The following ZNF782 variants were observed in gnomAD, a reference collection of about 807,000 sequenced individuals.
ZNF782 encodes zinc finger protein 782.
In ZNF782, 12 loss-of-function variants were observed where a neutral mutation model predicts 13.0. The ratio of observed to expected loss-of-function variants is 0.92; its 90% CI spans 0.59 to 1.50. The LOEUF is 1.50. Ranked by LOEUF, ZNF782 falls within the 40% of genes most tolerant of loss-of-function variation. The pLI, the probability that ZNF782 is intolerant of heterozygous loss-of-function variation, is 0.00. For missense variants in ZNF782, 770 were observed against 822.9 expected (o/e 0.94, Z 0.79); for synonymous variants, 284 against 283.0 (o/e 1.00, Z -0.04).
chr9:96,880,708 T>A, the ZNF782 span, among the ~76,000 whole-genome samples: 1 of 152,212 alleles, frequency 6.6e-6, no homozygotes. Context: ...TTGTAAACTT[T>A]GTGTCCATGT....
chr9:96,852,503 C>T (rs1483177100), intron 2 of ZNF782, among the ~76,000 whole-genome samples: 5 of 151,980 alleles, frequency 3.3e-5, no homozygotes, highest in South Asian at 2.1e-4. Flanking sequence ...AAAAATTAGC[C>T]AGGTGTGGTG....
At chr9:96,917,748 A>G in the ZNF782 span, among the ~76,000 whole-genome samples, 1 of 151,310 alleles carries the variant, frequency 6.6e-6, no homozygotes, top group Non-Finnish European at 1.5e-5. Context: ...TTTTTTAGAC[A>G]GGGTCTCACT....
the ZNF782 span, chr9:96,918,666 C>T: frequency 6.5e-6 from 1 of 153,978 alleles, no homozygotes; most frequent in Non-Finnish European, 1.4e-5. Flanking sequence ...TTTGTTCCCT[C>T]CCTGGAAAGG....
upstream of ZNF782, among the ~76,000 whole-genome samples, chr9:96,879,347 C>A (rs564884798): frequency 2.8e-4 from 42 of 152,114 alleles, no homozygotes; most frequent in South Asian, 2.7e-3. Context: ...ACAACAACAA[C>A]AAAAAATTAG....
Position 96,819,271 on chromosome 9 carries a change from T to C in ZNF782, c.752A>G (p.Asn251Ser). ...AATAAAGGTTGATTTATCATATTTGTTTTCCCCAAATTTATTGAAATTGTA... is the reference window on the plus strand; with the variant it reads ...AATAAAGGTTGATTTATCATATTTGCTTTCCCCAAATTTATTGAAATTGTA... The part of the protein sequence containing the change: ...KSYNFNKFGE[N>S]KYDKSTFIIP... Residue 251 changes from asparagine to serine, a missense_variant, in exon 6 of 6, where the codon AAC becomes AGC. By Grantham distance (46) the Asn-to-Ser change is conservative. Coordinates refer to ENST00000481138, the MANE Select transcript of ZNF782 (RefSeq NM_001001662.3). 15 of 1,613,436 alleles carry C rather than the reference T, an allele frequency of 9.3e-6. No homozygotes were observed. The highest frequency in any genetic ancestry group is 1.3e-5 in the Non-Finnish European group (15 of 1,179,834).
At position 96,819,178 on chromosome 9, in the gene ZNF782, C is replaced by T. The variant is rs774552810; in HGVS notation, c.845G>A (p.Arg282Lys). The T allele has an allele frequency of 7.4e-6, 12 of 1,612,176 alleles. No individual in the cohort carries two copies. Among genetic ancestry groups the T allele is most frequent in the Non-Finnish European group, 1.0e-5 (12 of 1,179,202 alleles). Reference sequence around the variant, plus strand: ...TCCTGTGAGAGTTTTGTGAGTGATTCTACAGAAACAATTTCCAGTATCATT... The same window carrying T: ...TCCTGTGAGAGTTTTGTGAGTGATTTTACAGAAACAATTTCCAGTATCATT... ...EFNDTGNCFC[R>K]ITHKTLTGGK... The change falls in exon 6 of 6, where the codon AGA becomes AAA. Residue 282 changes from arginine (R) to lysine (K), a missense_variant. Transcript: ENST00000481138.
chr9:96,879,576 A>C (rs1458850605), upstream of ZNF782, among the ~76,000 whole-genome samples: 1 of 152,250 alleles, frequency 6.6e-6, no homozygotes, highest in East Asian at 1.9e-4. Flanking sequence ...AAGCCTGGGC[A>C]GAGTTGGTGA....
the ZNF782 span, among the ~76,000 whole-genome samples, chr9:96,917,702 T>C: frequency 6.6e-6 from 1 of 151,504 alleles, no homozygotes; most frequent in African/African-American, 2.4e-5. Context: ...AGTGCTGGGA[T>C]CACAAGCATG....
At chr9:96,873,705 CA>C (rs1366677598) in intron 1 of ZNF782, among the ~76,000 whole-genome samples, 1 of 152,234 alleles carries the variant, frequency 6.6e-6, no homozygotes, top group African/African-American at 2.4e-5. Flanking sequence ...CTCACACACA[CA>C]CACAAAAGAG....
intron 1 of ZNF782, among the ~76,000 whole-genome samples, chr9:96,866,256 C>T (rs73546571): frequency 0.035 from 5,286 of 152,200 alleles, 328 homozygotes; most frequent in African/African-American, 0.12. Flanking sequence ...GGGCTGTGCC[C>T]GGGGTTCCTC....
At chr9:96,920,487 C>T in the ZNF782 span, among the ~76,000 whole-genome samples, 3 of 147,234 alleles carry the variant, frequency 2.0e-5, no homozygotes, top group Admixed American at 1.4e-4. Context: ...AGGATGGTTT[C>T]GATCTCCTGA....
At chr9:96,839,351 G>A (rs1369922834) in intron 4 of ZNF782, among the ~76,000 whole-genome samples, 1 of 146,990 alleles carries the variant, frequency 6.8e-6, no homozygotes, top group Non-Finnish European at 1.5e-5. Context: ...ATAAAACTGA[G>A]AAAGAGGTGT....
Position 96,850,348 on chromosome 9 carries a change from T to C in ZNF782, c.15+1599A>G, listed in dbSNP as rs1233372003. ...TAAAAAGGAATGAAATAATGTCTTT[T>C]GCAGCAACTTGGATGGAGCTGGAGG... On this transcript the variant is annotated intron_variant, in intron 3 of 5. Transcript: ENST00000481138. This position sits in a 1 kb window ranked among gnomAD's most constrained non-coding sequence, Gnocchi z 4.3. 6.6e-6 allele frequency among the ~76,000 whole-genome samples: 1 copy of C among 152,218 alleles called. No homozygotes were observed. Among genetic ancestry groups the C allele is most frequent in the African/African-American group, 2.4e-5 (1 of 41,452 alleles).
the ZNF782 span, among the ~76,000 whole-genome samples, chr9:96,903,556 GTTTTTTTT>G: frequency 1.3e-5 from 1 of 75,468 alleles, no homozygotes; most frequent in African/African-American, 5.8e-5. Context: ...TTTTATGTTG[GTTTTTTTT>G]TTTTTTTTTT....
the ZNF782 span, chr9:96,932,115 CT>C: frequency 1.3e-6 from 2 of 1,494,900 alleles, no homozygotes; most frequent in African/African-American, 2.9e-5. Flanking sequence ...CCCGTTACCT[CT>C]GCCCAGGTGG....
At chr9:96,848,943 C>A (rs931892492) in intron 3 of ZNF782, among the ~76,000 whole-genome samples, 1 of 152,150 alleles carries the variant, frequency 6.6e-6, no homozygotes, top group Non-Finnish European at 1.5e-5. Flanking sequence ...GCTATAATTC[C>A]CAAAACAGTA....
the ZNF782 span, among the ~76,000 whole-genome samples, chr9:96,920,201 G>C: frequency 6.7e-6 from 1 of 149,896 alleles, no homozygotes; most frequent in Admixed American, 6.6e-5. Flanking sequence ...GAACGAGGCA[G>C]AGTATACCCC....
At chr9:96,881,988 A>T in the ZNF782 span, among the ~76,000 whole-genome samples, 4 of 148,294 alleles carry the variant, frequency 2.7e-5, no homozygotes, top group African/African-American at 9.9e-5. Flanking sequence ...TGGAAGTATG[A>T]GTGTGTGTGT....
the ZNF782 span, among the ~76,000 whole-genome samples, chr9:96,914,309 A>G: frequency 2.7e-5 from 4 of 150,828 alleles, no homozygotes; most frequent in Non-Finnish European, 5.9e-5. Flanking sequence ...TTTAGTAGAG[A>G]CGGGGTTTCA....
Sources: gnomAD v4.1 joint callset for allele counts (sites outside exome capture counted in the v4.1 genomes callset) on GRCh38, gnomAD v4.1.1 for gene constraint, Gnocchi (gnomAD v3.1) non-coding constraint, MANE v1.5 for transcripts, NCBI Gene and HGNC (gene_info 2026-07-23, HGNC 2026-07-21) for gene names.